The following TMOD1 variants were observed in gnomAD, a reference collection of about 807,000 sequenced individuals.
TMOD1 encodes the protein tropomodulin 1.
In TMOD1, 17 loss-of-function variants were observed where a neutral mutation model predicts 40.6. The observed-to-expected ratio is 0.42, with a 90% CI of 0.29 to 0.63. TMOD1 has a LOEUF of 0.63. Among genes scored for constraint, TMOD1 ranks in the 20% least tolerant of loss-of-function variants. TMOD1 has a pLI of 0.22. For missense variants in TMOD1, 391 were observed against 447.6 expected, an observed-to-expected ratio of 0.87 and a Z score of 1.14; for synonymous variants, 181 against 175.0, an observed-to-expected ratio of 1.03 and a Z score of -0.27.
chr9:97,581,696 G>A (rs1372470155), intron 8 of TMOD1, among the ~76,000 whole-genome samples: 2 of 151,740 alleles, frequency 1.3e-5, no homozygotes, highest in Admixed American at 6.6e-5. Flanking sequence ...TCTAACTGGT[G>A]TGAGATGGTA....
intron 8 of TMOD1, among the ~76,000 whole-genome samples, chr9:97,580,245 T>G (rs1825717207): frequency 6.6e-6 from 1 of 152,186 alleles, no homozygotes; most frequent in Non-Finnish European, 1.5e-5. Flanking sequence ...TATTTCTGGT[T>G]TTTAAATTAT....
chr9:97,575,289 C>A (rs142435635), intron 8 of TMOD1, among the ~76,000 whole-genome samples: 181 of 152,272 alleles, frequency 1.2e-3, no homozygotes, highest in African/African-American at 4.3e-3. Context: ...CACTCCTGAT[C>A]CAGGAGACCA....
At chr9:97,598,234 CAGG>C (rs753547136) in intron 9 of TMOD1, among the ~76,000 whole-genome samples, 53 of 146,872 alleles carry the variant, frequency 3.6e-4, no homozygotes, top group African/African-American at 7.1e-4. Flanking sequence ...GAGGCTGAAG[CAGG>C]AGAATTGCTT....
chr9:97,588,411 C>T (rs1825925820), intron 8 of TMOD1, among the ~76,000 whole-genome samples: 1 of 152,094 alleles, frequency 6.6e-6, no homozygotes, highest in Non-Finnish European at 1.5e-5. Context: ...CTATTCAAAT[C>T]CTTTGCTCAT....
chr9:97,590,768 AC>A (rs1311135202), intron 8 of TMOD1, among the ~76,000 whole-genome samples: 1 of 151,724 alleles, frequency 6.6e-6, no homozygotes, highest in Non-Finnish European at 1.5e-5. Flanking sequence ...TCTTGGGAAA[AC>A]CTTTTTTCCT....
rs1826213640 is a variant in TMOD1 at position 97,599,844 on chromosome 9, A to G, written c.*146A>G. ...TATGCACTAAGGTTTTAGGTTGACTAGTGGTTGTAGTTGAAAATTTTATAA... is the reference window on the plus strand; with the variant it reads ...TATGCACTAAGGTTTTAGGTTGACTGGTGGTTGTAGTTGAAAATTTTATAA... On this transcript the variant is annotated 3_prime_UTR_variant, in exon 10 of 10. Coordinates refer to ENST00000259365, the MANE Select transcript of TMOD1 (RefSeq NM_003275.4). 2 of 1,441,418 alleles carry G rather than the reference A, an allele frequency of 1.4e-6. No individual in the cohort carries two copies. Among genetic ancestry groups the G allele is most frequent in the Non-Finnish European group, 1.8e-6 (2 of 1,089,320 alleles). The allele number at this position is 1,441,418 out of a possible 1,614,324, so 89.3% of individuals were successfully genotyped here. A position where few individuals can be genotyped will look rare whatever the true frequency, so the allele number is the denominator to read the frequency against.
Position 97,546,204 on chromosome 9 carries a change from G to T in TMOD1, c.140G>T (p.Gly47Val), listed in dbSNP as rs767864969. 1 of 1,613,332 alleles carries T rather than the reference G, an allele frequency of 6.2e-7. No individual in the cohort carries two copies. Among genetic ancestry groups the T allele is most frequent in the Non-Finnish European group, 8.5e-7 (1 of 1,179,860 alleles). Reference protein sequence around the residue: ...LDPDNALLPAGLRQKDQTTKA... With the variant: ...LDPDNALLPAVLRQKDQTTKA... ...ATGTAGAATGCACTGCTGCCTGCAG[G>T]CCTGAGGCAGAAGGATCAGACCACC... Residue 47 changes from glycine (G) to valine (V), a missense_variant, in exon 3 of 10, where the codon GGC becomes GTC. By Grantham distance (109) the Gly-to-Val change is moderately radical. Coordinates refer to ENST00000259365, the MANE Select transcript of TMOD1 (RefSeq NM_003275.4).
chr9:97,533,114 C>A (rs2131231949), intron 2 of TMOD1, among the ~76,000 whole-genome samples: 1 of 152,298 alleles, frequency 6.6e-6, no homozygotes, highest in East Asian at 1.9e-4. Context: ...AATGTATAAG[C>A]TCCTTATTTT....
intron 6 of TMOD1, among the ~76,000 whole-genome samples, chr9:97,564,861 G>T (rs546602780): frequency 2.0e-4 from 31 of 151,866 alleles, no homozygotes; most frequent in African/African-American, 7.5e-4. Context: ...TCTGGGAGGG[G>T]GGTGGGGGTA....
chr9:97,514,242 G>GA (rs1272661116), intron 1 of TMOD1, among the ~76,000 whole-genome samples: 14 of 99,966 alleles, frequency 1.4e-4, no homozygotes, highest in African/African-American at 4.8e-4. Context: ...TTTTTTTTTG[G>GA]GGGGGGGGTT....
In TMOD1 at chr9:97,511,108, A is replaced by ACACACACACG. The variant is rs1554752913; in HGVS notation, c.-49+9309_-49+9310insCACACGCACA. 4.6e-3 allele frequency among the ~76,000 whole-genome samples: 692 copies of ACACACACACG among 149,634 alleles called. 14 individuals carry two copies. The highest frequency in any genetic ancestry group is 0.04 in the East Asian group (203 of 5,070). ...CAGACACACACACACACACACACAC[A>ACACACACACG]CACAGGCTTTTCCAATTTAAACCAC... On this transcript the variant is annotated intron_variant, in intron 1 of 9. Coordinates refer to ENST00000259365, the MANE Select transcript of TMOD1 (RefSeq NM_003275.4).
At chr9:97,555,637 A>G (rs1830525981) in intron 4 of TMOD1, 1 of 1,551,068 alleles carries the variant, frequency 6.4e-7, no homozygotes, top group Non-Finnish European at 8.7e-7. Flanking sequence ...GATGTTGGAC[A>G]TTTGAAAGAT....
intron 8 of TMOD1, among the ~76,000 whole-genome samples, chr9:97,585,472 A>G (rs1587960229): frequency 6.7e-6 from 1 of 149,242 alleles, no homozygotes; most frequent in South Asian, 2.1e-4. Context: ...TGAATCTGAC[A>G]ATTATGTGTC....
intron 8 of TMOD1, among the ~76,000 whole-genome samples, chr9:97,570,861 C>T (rs1480457040): frequency 6.6e-6 from 1 of 152,208 alleles, no homozygotes; most frequent in African/African-American, 2.4e-5. Flanking sequence ...CTTTGTTCAC[C>T]CAGAGAGGGC....
intron 9 of TMOD1, among the ~76,000 whole-genome samples, chr9:97,597,424 TG>T (rs879752004): frequency 4.0e-5 from 6 of 149,138 alleles, no homozygotes; most frequent in Non-Finnish European, 8.9e-5. Context: ...GGGGGCCGGG[TG>T]GGGTGGCTCA....
intron 2 of TMOD1, among the ~76,000 whole-genome samples, chr9:97,534,765 C>T (rs1477294506): frequency 1.3e-5 from 2 of 152,214 alleles, no homozygotes; most frequent in Non-Finnish European, 2.9e-5. Context: ...CATAGATATG[C>T]TCCACAGAGT....
Position 97,557,870 on chromosome 9 carries a change from TA to T in TMOD1, c.397+4485del, listed in dbSNP as rs908512113. Among the ~76,000 whole-genome samples the T allele has an allele frequency of 5.7e-3, 811 of 141,632 alleles. 3 individuals are homozygous for T. Among genetic ancestry groups the T allele is most frequent in the Non-Finnish European group, 5.5e-3 (351 of 64,374 alleles). 92.9% of individuals were successfully genotyped at this position (141,632 alleles called of 152,430 possible). ...TTGAGTTTTGAGGAAGATCTAGACTTAAAAAAAAAAAAAAATCAAGTTCCCC... is the reference window on the plus strand; with the variant it reads ...TTGAGTTTTGAGGAAGATCTAGACTTAAAAAAAAAAAAAATCAAGTTCCCC... On this transcript the variant is annotated intron_variant, in intron 4 of 9. Coordinates refer to ENST00000259365, the MANE Select transcript of TMOD1 (RefSeq NM_003275.4). The surrounding 1 kb of genome is among the most constrained non-coding windows in gnomAD (Gnocchi z 4.4).
Position 97,565,937 on chromosome 9 carries a change from T to C in TMOD1, c.708T>C (p.Ser236=). 6.2e-7 allele frequency: 1 copy of C among 1,614,016 alleles called. No homozygotes were observed. The highest frequency in any genetic ancestry group is 2.2e-5 in the East Asian group (1 of 44,882). The change falls in exon 7 of 10, where the codon AGT becomes AGC. Residue 236 remains serine (S), a synonymous_variant. Transcript: ENST00000259365. The stretch of plus-strand genomic sequence containing the variant: ...AGTTCAGCATCGTGGGGACACGGAG[T>C]AATGACCCCGTGGCGTATGTATGTA... ...VKKFSIVGTR[S]NDPVAYALAE...
chr9:97,592,576 A>G (rs1826023903), intron 9 of TMOD1, among the ~76,000 whole-genome samples: 1 of 152,202 alleles, frequency 6.6e-6, no homozygotes, highest in Non-Finnish European at 1.5e-5. Context: ...CAAAGAGCCT[A>G]ATATGAATGC....
Sources: gnomAD v4.1 joint callset for allele counts (sites outside exome capture counted in the v4.1 genomes callset) on GRCh38, gnomAD v4.1.1 for gene constraint, Gnocchi (gnomAD v3.1) non-coding constraint, MANE v1.5 for transcripts, NCBI Gene and HGNC (gene_info 2026-07-23, HGNC 2026-07-21) for gene names.